The following CNTNAP2 variants were observed in gnomAD, a reference collection of about 807,000 sequenced individuals.
CNTNAP2 encodes contactin-associated protein-like 2.
CNTNAP2 carries 98 observed loss-of-function variants against 155.2 expected under a neutral mutation model. The observed-to-expected ratio is 0.63, with a 90% CI of 0.54 to 0.75. The LOEUF (loss-of-function observed/expected upper bound fraction) is 0.75, where lower values mean the gene tolerates loss of function less well. CNTNAP2 is among the 30% of genes least tolerant of loss of function. The pLI, the probability that CNTNAP2 is intolerant of heterozygous loss-of-function variation, is 0.00. For synonymous variants in CNTNAP2, 651 were observed against 631.2 expected (o/e 1.03, Z -0.47); for missense variants, 1,727 against 1,688.1 (o/e 1.02, Z -0.40).
At chr7:147,374,630 T>G (rs1796403859) in intron 9 of CNTNAP2, among the ~76,000 whole-genome samples, 1 of 152,066 alleles carries the variant, frequency 6.6e-6, no homozygotes, top group Non-Finnish European at 1.5e-5. Context: ...ATTTGTGACA[T>G]AGCATATCCC....
intron 8 of CNTNAP2, among the ~76,000 whole-genome samples, chr7:147,275,988 C>T (rs1804886755): frequency 6.6e-6 from 1 of 151,840 alleles, no homozygotes; most frequent in Non-Finnish European, 1.5e-5. Context: ...TTGAACCATC[C>T]TTTGATTACT....
At chr7:146,776,681 G>A (rs957890495) in intron 2 of CNTNAP2, among the ~76,000 whole-genome samples, 3 of 152,040 alleles carry the variant, frequency 2.0e-5, no homozygotes, top group East Asian at 3.9e-4. Context: ...TCTGCCTTTG[G>A]TTTTTTAATG....
intron 13 of CNTNAP2, among the ~76,000 whole-genome samples, chr7:147,646,476 A>G (rs541115717): frequency 6.6e-6 from 1 of 152,364 alleles, no homozygotes; most frequent in East Asian, 1.9e-4. Context: ...AACTAAAATA[A>G]AATGGAAGAA....
chr7:148,062,028 A>AGAGAGAGAGTGTGTGT (rs1388530831), intron 15 of CNTNAP2, among the ~76,000 whole-genome samples: 2 of 105,976 alleles, frequency 1.9e-5, no homozygotes, highest in Admixed American at 1.0e-4. Context: ...AGAGAGAGAG[A>AGAGAGAGAGTGTGTGT]GTGTGTGTGT....
At chr7:146,460,103 C>T (rs1796614106) in intron 1 of CNTNAP2, among the ~76,000 whole-genome samples, 1 of 152,122 alleles carries the variant, frequency 6.6e-6, no homozygotes, top group Non-Finnish European at 1.5e-5. Context: ...GAGCAGATTC[C>T]TAAACTGGCC....
chr7:146,997,526 T>C (rs971330287), intron 3 of CNTNAP2, among the ~76,000 whole-genome samples: 1 of 152,086 alleles, frequency 6.6e-6, no homozygotes, highest in African/African-American at 2.4e-5. Flanking sequence ...TGGCCAGTAG[T>C]TTGTGTTCAG....
intron 21 of CNTNAP2, among the ~76,000 whole-genome samples, chr7:148,332,694 A>G (rs1314159243): frequency 5.3e-5 from 8 of 152,214 alleles, no homozygotes; most frequent in Non-Finnish European, 5.9e-5. Flanking sequence ...GAGGTTCTCC[A>G]GGGGAAGAGA....
chr7:148,075,387 A>T (rs1803465965), intron 15 of CNTNAP2, among the ~76,000 whole-genome samples: 1 of 152,144 alleles, frequency 6.6e-6, no homozygotes, highest in African/African-American at 2.4e-5. Context: ...CAGTGAGCTG[A>T]GATCGTGCCA....
chr7:146,168,242 C>A lies in CNTNAP2; in HGVS notation c.97+51269C>A, dbSNP rs1283126845. ...CTTCTTCAATCCAATCATGTTGACA[C>A]TCAATATTAACCATCACAGTCATGT... On this transcript the variant is annotated intron_variant, in intron 1 of 23. Coordinates refer to ENST00000361727, the MANE Select transcript of CNTNAP2 (RefSeq NM_014141.6). Among the ~76,000 whole-genome samples the A allele has an allele frequency of 2.0e-5, 3 of 152,082 alleles. No homozygotes were observed. In the East Asian group the frequency reaches 5.8e-4, roughly 29 times the overall value.
At chr7:146,986,331 T>A (rs1004551534) in intron 3 of CNTNAP2, among the ~76,000 whole-genome samples, 23 of 152,232 alleles carry the variant, frequency 1.5e-4, no homozygotes, top group African/African-American at 4.6e-4. Context: ...ATGCCATTAA[T>A]TCATTCCTTT....
At position 147,132,468 on chromosome 7, in the gene CNTNAP2, A is replaced by T; in HGVS notation, c.1307A>T (p.Asn436Ile). Reference protein sequence around the residue: ...LTESKVGVHINITQTKMSQID... With the variant: ...LTESKVGVHIIITQTKMSQID... ...GAAAGCAAAGTGGGTGTTCACATCA[A>T]CATCACACAGACCAAGATGAGCCAA... Residue 436 changes from asparagine (N) to isoleucine (I), a missense_variant, in exon 8 of 24, where the codon AAC (asparagine) becomes ATC (isoleucine). Coordinates refer to ENST00000361727, the MANE Select transcript of CNTNAP2 (RefSeq NM_014141.6). The T allele has an allele frequency of 6.2e-7, 1 of 1,613,682 alleles. No homozygotes were observed. The highest frequency in any genetic ancestry group is 8.5e-7 in the Non-Finnish European group (1 of 1,179,726).
chr7:148,291,973 A>G (rs1797198571), intron 21 of CNTNAP2, among the ~76,000 whole-genome samples: 1 of 152,136 alleles, frequency 6.6e-6, no homozygotes, highest in Non-Finnish European at 1.5e-5. Flanking sequence ...GTTTCCATGG[A>G]GTGGTGCTGG....
At chr7:146,353,034 C>G (rs938280717) in intron 1 of CNTNAP2, among the ~76,000 whole-genome samples, 13 of 151,912 alleles carry the variant, frequency 8.6e-5, no homozygotes, top group South Asian at 4.2e-4. Context: ...GATTACAGGC[C>G]TGAGCCACCG....
At chr7:148,310,319 G>A (rs1422550721) in intron 21 of CNTNAP2, among the ~76,000 whole-genome samples, 2 of 152,184 alleles carry the variant, frequency 1.3e-5, no homozygotes, top group African/African-American at 4.8e-5. Context: ...AATATACAGA[G>A]TCCTCCTTTT....
intron 1 of CNTNAP2, among the ~76,000 whole-genome samples, chr7:146,389,324 A>G (rs1307374206): frequency 6.6e-6 from 1 of 152,122 alleles, no homozygotes; most frequent in Non-Finnish European, 1.5e-5. Flanking sequence ...GTTTTGCTTC[A>G]AAACTGAAAA....
rs114127089 is a variant in CNTNAP2, at chr7:147,134,689, G to A, written c.1348+2180G>A. Among the ~76,000 whole-genome samples the A allele has an allele frequency of 1.9e-3, 287 of 151,928 alleles. 1 individual carries two copies. The highest frequency in any genetic ancestry group is 6.6e-3 in the African/African-American group (276 of 41,510). On this transcript the variant is annotated intron_variant, in intron 8 of 23. Transcript: ENST00000361727. Reference sequence around the variant, plus strand: ...GACATAATTTCCTCTGTCTTTTAATGTATTTTATCAAATTCAATTAAATGT... The same window carrying A: ...GACATAATTTCCTCTGTCTTTTAATATATTTTATCAAATTCAATTAAATGT...
Position 147,705,868 on chromosome 7 carries a change from T to C in CNTNAP2, c.2098+66562T>C, listed in dbSNP as rs537267770. 2.6e-5 allele frequency among the ~76,000 whole-genome samples: 4 copies of C among 152,282 alleles called. No individual in the cohort carries two copies. In the East Asian group the frequency reaches 7.7e-4, roughly 29 times the overall value. ...CTGTGTTTTCTCATACAAGTTTAGC[T>C]ATTCCGTTTGTTTGTGATTTCCATT... On this transcript the variant is annotated intron_variant, in intron 13 of 23. Transcript: ENST00000361727.
chr7:146,422,258 T>G (rs1275604555), intron 1 of CNTNAP2, among the ~76,000 whole-genome samples: 1 of 151,042 alleles, frequency 6.6e-6, no homozygotes, highest in Non-Finnish European at 1.5e-5. Context: ...AACATTGCAA[T>G]AAATATTCTT....
intron 1 of CNTNAP2, among the ~76,000 whole-genome samples, chr7:146,412,840 G>C (rs187513182): frequency 6.6e-6 from 1 of 152,112 alleles, no homozygotes; most frequent in African/African-American, 2.4e-5. Context: ...TAATATGAAG[G>C]GTTTCAGTTT....
Sources: gnomAD v4.1 joint callset for allele counts (sites outside exome capture counted in the v4.1 genomes callset) on GRCh38, gnomAD v4.1.1 for gene constraint, MANE v1.5 for transcripts, NCBI Gene and HGNC (gene_info 2026-07-23, HGNC 2026-07-21) for gene names.